Variants in NOS1AP observed in about 807,000 individuals in gnomAD.
NOS1AP encodes the protein nitric oxide synthase 1 adaptor protein.
Under a neutral mutation model 56.2 loss-of-function variants are expected in NOS1AP, and 21 were observed. That is an observed-to-expected ratio of 0.37 (90% CI 0.26 to 0.54). The LOEUF (loss-of-function observed/expected upper bound fraction) is 0.54. NOS1AP is among the 20% of genes least tolerant of loss of function. The probability of loss-of-function intolerance (pLI) is 0.84; values close to 1 mark genes in which losing one functional copy is unlikely to be tolerated. For missense variants in NOS1AP, 522 were observed against 657.8 expected, an observed-to-expected ratio of 0.79 and a Z score of 2.26; for synonymous variants, 270 against 274.6, an observed-to-expected ratio of 0.98 and a Z score of 0.17.
chr1:162,096,507 A>G (rs1692243844), intron 1 of NOS1AP, among the ~76,000 whole-genome samples: 1 of 152,198 alleles, frequency 6.6e-6, no homozygotes, highest in South Asian at 2.1e-4. Context: ...AAAAATATGT[A>G]TAATTGAAGT....
chr1:162,257,822 T>C (rs557667690), intron 2 of NOS1AP, among the ~76,000 whole-genome samples: 74 of 152,192 alleles, frequency 4.9e-4, no homozygotes, highest in Admixed American at 4.6e-3. Flanking sequence ...CCACAGTGAG[T>C]GTAACCCAAA....
At chr1:162,169,633 G>A (rs1650669291) in intron 2 of NOS1AP, among the ~76,000 whole-genome samples, 1 of 152,186 alleles carries the variant, frequency 6.6e-6, no homozygotes, top group Non-Finnish European at 1.5e-5. Flanking sequence ...AGAGGAGACT[G>A]TGCATTGGTA....
chr1:162,279,968 C>A (rs1654867474), intron 2 of NOS1AP, among the ~76,000 whole-genome samples: 1 of 152,122 alleles, frequency 6.6e-6, no homozygotes, highest in African/African-American at 2.4e-5. Flanking sequence ...CTTGGTCAAC[C>A]CTGGTGGCCT....
intron 1 of NOS1AP, among the ~76,000 whole-genome samples, chr1:162,077,208 A>G (rs1402128926): frequency 6.6e-6 from 1 of 152,170 alleles, no homozygotes; most frequent in Non-Finnish European, 1.5e-5. Flanking sequence ...GTGTGTTCAT[A>G]TCTTCACCAA....
intron 6 of NOS1AP, among the ~76,000 whole-genome samples, chr1:162,344,708 C>CAAA (rs60286000): frequency 1.5e-5 from 2 of 135,212 alleles, no homozygotes; most frequent in African/African-American, 2.8e-5. Flanking sequence ...TAGGCTGCCT[C>CAAA]AAAAAAAAAA....
At chr1:162,113,790 G>A (rs78156324) in intron 1 of NOS1AP, among the ~76,000 whole-genome samples, 4,626 of 152,154 alleles carry the variant, frequency 0.03, 223 homozygotes, top group African/African-American at 0.1. Context: ...ACATATTTGG[G>A]AGAGGACACA....
chr1:162,215,458 G>A (rs1652538220), intron 2 of NOS1AP, among the ~76,000 whole-genome samples: 1 of 152,182 alleles, frequency 6.6e-6, no homozygotes, highest in African/African-American at 2.4e-5. Flanking sequence ...ATGAGCCCTG[G>A]GTCATTGCTG....
intron 2 of NOS1AP, among the ~76,000 whole-genome samples, chr1:162,280,674 C>A (rs1654895614): frequency 6.6e-6 from 1 of 152,122 alleles, no homozygotes; most frequent in African/African-American, 2.4e-5. Context: ...ATGAATATTT[C>A]TTTAAAAAGT....
intron 2 of NOS1AP, among the ~76,000 whole-genome samples, chr1:162,168,148 T>C (rs1650594826): frequency 6.6e-6 from 1 of 152,202 alleles, no homozygotes; most frequent in Admixed American, 6.5e-5. Flanking sequence ...CCTGGTCACA[T>C]AGGCAATGAA....
At chr1:162,313,243 A>T (rs1265776999) in intron 4 of NOS1AP, among the ~76,000 whole-genome samples, 2 of 152,238 alleles carry the variant, frequency 1.3e-5, no homozygotes, top group Admixed American at 6.5e-5. Context: ...TTAGATAAAT[A>T]TTCAGGGGAA....
At chr1:162,192,996 T>C (rs1254877862) in intron 2 of NOS1AP, among the ~76,000 whole-genome samples, 2 of 152,108 alleles carry the variant, frequency 1.3e-5, no homozygotes, top group Admixed American at 1.3e-4. Context: ...AGTGTGCCCA[T>C]GTGCCAGGAA....
intron 1 of NOS1AP, among the ~76,000 whole-genome samples, chr1:162,092,069 G>T (rs1380181665): frequency 1.3e-5 from 2 of 152,122 alleles, no homozygotes; most frequent in African/African-American, 2.4e-5. Context: ...CTAGTTCAAG[G>T]CTGTGGATCC....
At position 162,313,219 on chromosome 1, in the gene NOS1AP, T is replaced by G. The variant is rs893766323; in HGVS notation, c.344+12513T>G. 2.3e-4 allele frequency among the ~76,000 whole-genome samples: 35 copies of G among 152,312 alleles called. 1 individual carries two copies. Among genetic ancestry groups the G allele is most frequent in the African/African-American group, 8.4e-4 (35 of 41,572 alleles). On this transcript the variant is annotated intron_variant, in intron 4 of 9. Transcript: ENST00000361897. ...ATCTCACTGTGACTTCTATTAAACT[T>G]TCCATGATAGTTTTTAGATAAATAT...
chr1:162,298,521 C>A (rs1418700076), intron 3 of NOS1AP, among the ~76,000 whole-genome samples: 1 of 152,206 alleles, frequency 6.6e-6, no homozygotes, highest in Non-Finnish European at 1.5e-5. Flanking sequence ...AGCCTTAACT[C>A]CCTTCTGGGG....
At chr1:162,186,205 C>T (rs1279631283) in intron 2 of NOS1AP, among the ~76,000 whole-genome samples, 2 of 152,148 alleles carry the variant, frequency 1.3e-5, no homozygotes, top group East Asian at 1.9e-4. Flanking sequence ...CGTTATAATG[C>T]ATGTCACTGG....
intron 5 of NOS1AP, among the ~76,000 whole-genome samples, chr1:162,341,402 C>T (rs944922090): frequency 2.0e-5 from 3 of 152,092 alleles, no homozygotes; most frequent in African/African-American, 7.2e-5. Flanking sequence ...TCAGTCTTTG[C>T]AGATATTTAT....
intron 2 of NOS1AP, among the ~76,000 whole-genome samples, chr1:162,266,191 A>G (rs900183686): frequency 2.6e-5 from 4 of 152,222 alleles, no homozygotes; most frequent in East Asian, 1.9e-4. Context: ...GTGGGTTTCT[A>G]TGACCGCAGG....
At chr1:162,310,203 G>A (rs1415960348) in intron 4 of NOS1AP, among the ~76,000 whole-genome samples, 3 of 152,004 alleles carry the variant, frequency 2.0e-5, no homozygotes, top group Non-Finnish European at 2.9e-5. Flanking sequence ...GGCACAAAGG[G>A]TCATAAAAAA....
chr1:162,160,337 C>G (rs1650150088), intron 2 of NOS1AP, among the ~76,000 whole-genome samples: 1 of 152,188 alleles, frequency 6.6e-6, no homozygotes, highest in Non-Finnish European at 1.5e-5. Context: ...CTCCCTGTAG[C>G]CCTCTTCCAG....
Sources: allele counts gnomAD v4.1 joint callset (sites outside exome capture counted in the v4.1 genomes callset), GRCh38; gene constraint gnomAD v4.1.1; transcripts MANE v1.5; gene names NCBI Gene and HGNC (gene_info 2026-07-23, HGNC 2026-07-21).